COL4A5: variants seen among roughly 807,000 people sequenced by gnomAD.
COL4A5 encodes collagen type IV alpha 5 chain.
Under a neutral mutation model 130.2 loss-of-function variants are expected in COL4A5, and 26 were observed. The observed-to-expected ratio is 0.20, with a 90% CI of 0.15 to 0.28. COL4A5 has a LOEUF of 0.28. COL4A5 is among the 10% of genes least tolerant of loss of function. The probability of loss-of-function intolerance (pLI) is 1.00; values close to 1 mark genes in which losing one functional copy is unlikely to be tolerated. For synonymous variants in COL4A5, 496 were observed against 439.6 expected (o/e 1.13, Z -1.60); for missense variants, 1,131 against 1,344.3 (o/e 0.84, Z 2.48).
At chrX:108,605,411 A>G (rs886499269) in intron 28 of COL4A5, among the ~76,000 whole-genome samples, 2 of 111,883 alleles carry the variant, frequency 1.8e-5, no homozygotes, top group African/African-American at 6.5e-5. Flanking sequence ...GACATTTACA[A>G]CATTTTTTTA....
At chrX:108,505,520 G>A (rs945347663) in intron 1 of COL4A5, among the ~76,000 whole-genome samples, 6 of 111,442 alleles carry the variant, frequency 5.4e-5, no homozygotes, top group Non-Finnish European at 7.5e-5. Context: ...TGTATATGGA[G>A]TAAGAAAGTA....
chrX:108,615,195 A>C (rs2066905512), intron 30 of COL4A5, among the ~76,000 whole-genome samples, 171 bp downstream of exon 30: 1 of 112,497 alleles, frequency 8.9e-6, no homozygotes, highest in Admixed American at 9.4e-5. Context: ...CATAAAAGCT[A>C]CTTTAATCCC....
intron 47 of COL4A5, among the ~76,000 whole-genome samples, chrX:108,683,094 GTT>G (rs1371366852): frequency 1.2e-4 from 13 of 111,881 alleles, no homozygotes; most frequent in African/African-American, 4.2e-4. Flanking sequence ...AAGGGGTCCA[GTT>G]TCAGTTTTCC....
At chrX:108,575,738 G>A (rs188331809) in intron 9 of COL4A5, among the ~76,000 whole-genome samples, 172 bp from the exon 10 acceptor site, 6 of 112,115 alleles carry the variant, frequency 5.4e-5, no homozygotes, top group African/African-American at 1.6e-4. Flanking sequence ...TCAGGAGGCT[G>A]AGGCAGGAGA....
chrX:108,667,217 TAATAA>T (rs1210248924), intron 40 of COL4A5, 34 bp downstream of exon 40: 3 of 1,120,384 alleles, frequency 2.7e-6, no homozygotes, highest in East Asian at 3.0e-5. Flanking sequence ...AATCAATCTA[TAATAA>T]AATGAGATTA....
chrX:108,553,051 C>T (rs2065775840), intron 2 of COL4A5, among the ~76,000 whole-genome samples: 1 of 111,334 alleles, frequency 9.0e-6, no homozygotes, highest in Admixed American at 9.6e-5. Context: ...TGCGTATGCA[C>T]AAAAATGGCT....
intron 1 of COL4A5, among the ~76,000 whole-genome samples, chrX:108,456,507 A>T (rs773392656): frequency 1.8e-3 from 199 of 111,894 alleles, no homozygotes; most frequent in African/African-American, 6.3e-3. Context: ...ATCATCTGAA[A>T]ATAAAGAGGG....
chrX:108,556,669 G>A (rs185150852), intron 2 of COL4A5, among the ~76,000 whole-genome samples: 1 of 111,014 alleles, frequency 9.0e-6, no homozygotes, highest in East Asian at 2.8e-4. Context: ...AGGATTAAAC[G>A]AGTGCCTAAC....
chrX:108,493,706 C>T (rs2065011134), intron 1 of COL4A5, among the ~76,000 whole-genome samples: 2 of 109,373 alleles, frequency 1.8e-5, no homozygotes, highest in Non-Finnish European at 3.8e-5. Context: ...ATCTACATAG[C>T]CATCAACTGT....
chrX:108,546,541 T>A (rs1276685971), intron 2 of COL4A5, among the ~76,000 whole-genome samples: 7 of 109,769 alleles, frequency 6.4e-5, no homozygotes, highest in East Asian at 2.8e-4. Context: ...TGCCCTTAGC[T>A]TTTTTTCCTT....
rs866974052 is a variant in COL4A5 at position 108,578,349 on chromosome X, G to T, written c.746G>T (p.Arg249Ile). 1 of 1,208,315 alleles carries T rather than the reference G, an allele frequency of 8.3e-7. No homozygotes were observed. The highest frequency in any genetic ancestry group is 1.1e-6 in the Non-Finnish European group (1 of 893,797). Reference sequence around the variant, plus strand: ...CCTGGGCAGATCAGTGAACAGAAAAGACCAATTGATGTAGAGTTTCAGAAA... The same window carrying T: ...CCTGGGCAGATCAGTGAACAGAAAATACCAATTGATGTAGAGTTTCAGAAA... Reference protein sequence around the residue: ...GPPGQISEQKRPIDVEFQKGD... With the variant: ...GPPGQISEQKIPIDVEFQKGD... The change falls in exon 13 of 53, where the codon AGA (arginine) becomes ATA (isoleucine). Residue 249 changes from arginine (R) to isoleucine (I), a missense_variant. Coordinates refer to ENST00000328300, the MANE Select transcript of COL4A5 (RefSeq NM_033380.3).
intron 1 of COL4A5, among the ~76,000 whole-genome samples, chrX:108,537,754 G>A (rs192643889): frequency 1.3e-3 from 142 of 111,794 alleles, no homozygotes; most frequent in African/African-American, 4.0e-3. Context: ...AGTGTCAAAT[G>A]TTAATTATTC....
intron 1 of COL4A5, among the ~76,000 whole-genome samples, chrX:108,492,852 A>G (rs1215627193): frequency 9.0e-6 from 1 of 111,484 alleles, no homozygotes. Flanking sequence ...GCAGAAAATC[A>G]TTGAGTCTTT....
intron 42 of COL4A5, among the ~76,000 whole-genome samples, chrX:108,671,683 G>C (rs187114797): frequency 8.9e-6 from 1 of 112,011 alleles, no homozygotes; most frequent in Admixed American, 9.5e-5. Context: ...AGGGTAGAGA[G>C]GGGTGGGTTC....
chrX:108,679,818 A>G (rs1399720262), intron 44 of COL4A5, among the ~76,000 whole-genome samples: 1 of 111,804 alleles, frequency 8.9e-6, no homozygotes, highest in African/African-American at 3.2e-5. Flanking sequence ...GAAAGAAAAA[A>G]CAAAGAATAA....
intron 40 of COL4A5, among the ~76,000 whole-genome samples, chrX:108,667,473 A>G (rs1439276721): frequency 2.7e-5 from 3 of 111,187 alleles, no homozygotes; most frequent in Non-Finnish European, 5.7e-5. Context: ...GAAGATAAGA[A>G]AAGTCTGTAG....
intron 36 of COL4A5, chrX:108,627,694 G>T (rs1603299368): frequency 2.8e-5 from 12 of 432,657 alleles, no homozygotes; most frequent in Non-Finnish European, 3.5e-5. Context: ...AGTATGAAAA[G>T]ATGTAAAATA....
At chrX:108,687,948 C>G (rs759953368) in intron 49 of COL4A5, among the ~76,000 whole-genome samples, 5 of 112,050 alleles carry the variant, frequency 4.5e-5, no homozygotes, top group African/African-American at 1.6e-4. Flanking sequence ...TTCAAAAAGG[C>G]CACATTTACT....
chrX:108,479,223 C>A (rs1233269976), intron 1 of COL4A5, among the ~76,000 whole-genome samples: 1 of 112,571 alleles, frequency 8.9e-6, no homozygotes, highest in Non-Finnish European at 1.9e-5. Context: ...CAGTTTTTGA[C>A]CACTCAGAGA....
Sources: allele counts gnomAD v4.1 joint callset (sites outside exome capture counted in the v4.1 genomes callset), GRCh38; gene constraint gnomAD v4.1.1; transcripts MANE v1.5; gene names NCBI Gene and HGNC (gene_info 2026-07-23, HGNC 2026-07-21).